The following DBNL variants were observed in gnomAD, a reference collection of about 807,000 sequenced individuals.
The protein encoded by DBNL is drebrin like.
Under a neutral mutation model 62.2 loss-of-function variants are expected in DBNL, and 35 were observed. The ratio of observed to expected loss-of-function variants is 0.56; its 90% CI spans 0.43 to 0.75. The LOEUF (loss-of-function observed/expected upper bound fraction) is 0.75, where lower values mean the gene tolerates loss of function less well. DBNL is among the 30% of genes least tolerant of loss of function. DBNL has a pLI of 0.00. For missense variants in DBNL, 495 were observed against 578.4 expected (o/e 0.86, Z 1.48); for synonymous variants, 197 against 218.0 (o/e 0.90, Z 0.85).
rs373614176 is a variant in DBNL, at chr7:44,050,165, C to T, written c.84-60C>T. The T allele has an allele frequency of 5.9e-5, 93 of 1,568,374 alleles. No individual in the cohort carries two copies. In the African/African-American group the frequency reaches 9.0e-4, roughly 15 times the overall value. On this transcript the variant is annotated intron_variant, in intron 1 of 12. Coordinates refer to ENST00000448521, the MANE Select transcript of DBNL (RefSeq NM_001014436.3). The stretch of plus-strand genomic sequence containing the variant: ...ATGTAGTGGAAAGTCATGGTGGATA[C>T]GGTGAGGAGAGATGGAACCCAAGGT...
rs1015590847 is a variant in DBNL at position 44,067,409 on chromosome 7, C to T, written c.*6493C>T. The T allele has an allele frequency of 3.9e-5, 6 of 152,130 alleles. No individual in the cohort carries two copies. The highest frequency in any genetic ancestry group is 9.7e-5 in the African/African-American group (4 of 41,412). The allele number at this position is 152,130 out of a possible 1,614,324, so 9.4% of individuals were successfully genotyped here. On this transcript the variant is annotated 3_prime_UTR_variant, in exon 13 of 13. Coordinates refer to ENST00000448521, the MANE Select transcript of DBNL (RefSeq NM_001014436.3). ...TCGGCAGCTTTGATGAGAACAAGGC[C>T]GCTTAGCCAGGGCTGGGTGCAGAAG...
intron 4 of DBNL, 158 bp from the exon 5 acceptor site, chr7:44,056,599 C>T (rs974265298): frequency 2.8e-6 from 3 of 1,059,370 alleles, no homozygotes; most frequent in African/African-American, 3.2e-5. Context: ...TTGAGGGGAA[C>T]TCGTGCCTCA....
At chr7:44,056,709 T>C in intron 4 of DBNL, 48 bp from the exon 5 acceptor site, 2 of 1,611,870 alleles carry the variant, frequency 1.2e-6, no homozygotes, top group Non-Finnish European at 1.7e-6. Flanking sequence ...GTTTGGCCCA[T>C]CTCCTGGGCT....
At chr7:44,051,202 C>T (rs1162673103) in intron 2 of DBNL, 4 of 152,732 alleles carry the variant, frequency 2.6e-5, no homozygotes, top group African/African-American at 9.6e-5. Flanking sequence ...AGCTCTTCCT[C>T]CTTATAACCT....
Position 44,051,864 on chromosome 7 carries a change from C to A in DBNL, c.174C>A (p.Asn58Lys), listed in dbSNP as rs763649371. The A allele has an allele frequency of 6.2e-7, 1 of 1,614,144 alleles. No individual in the cohort carries two copies. The highest frequency in any genetic ancestry group is 1.1e-5 in the South Asian group (1 of 91,082). Residue 58 changes from asparagine to lysine, a missense_variant, in exon 3 of 13, where the codon AAC becomes AAA. By Grantham distance (94) the Asn-to-Lys change is moderately conservative (BLOSUM62 0). Transcript: ENST00000448521. ...TGGAGGAGATGGTGGAGGAGCTCAA[C>A]AGCGGGAAGGTGATGTACGCCTTCT... ...GGLEEMVEEL[N>K]SGKVMYAFCR... is the part of the protein sequence containing the mutation.
rs986884554 is a variant in DBNL, at chr7:44,045,412, G to T, written c.83+592G>T. Among the ~76,000 whole-genome samples, 8 of 152,334 alleles carry T rather than the reference G, an allele frequency of 5.3e-5. No homozygotes were observed. The South Asian group carries it at 1.0e-3, about 20-fold the overall frequency. Reference sequence around the variant, plus strand: ...CTCCAAAAAGTGTACTCTTTCTTGTGCCTGAGCCATGGGAAGATGTACGAA... The same window carrying T: ...CTCCAAAAAGTGTACTCTTTCTTGTTCCTGAGCCATGGGAAGATGTACGAA... On this transcript the variant is annotated intron_variant, in intron 1 of 12. Coordinates refer to ENST00000448521, the MANE Select transcript of DBNL (RefSeq NM_001014436.3).
rs760632595 is a variant in DBNL at position 44,059,818 on chromosome 7, A to G, written c.1047+160A>G. ...AAATTGTCAGGGCACGCCCCACTCT[A>G]TAGGAGGTGCTGGGTGGGAAGAGGA... is the stretch of plus-strand genomic sequence containing the variant. On this transcript the variant is annotated intron_variant, in intron 11 of 12. Transcript: ENST00000448521. This position sits in a 1 kb window ranked among gnomAD's most constrained non-coding sequence, Gnocchi z 4.1. Among the ~76,000 whole-genome samples, 2 of 152,248 alleles carry G rather than the reference A, an allele frequency of 1.3e-5. No homozygotes were observed. Among genetic ancestry groups the G allele is most frequent in the Middle Eastern group, 6.8e-3 (2 of 294 alleles).
rs2096154825 is a variant in DBNL, at chr7:44,064,279, C to T, written c.*3363C>T. On this transcript the variant is annotated 3_prime_UTR_variant, in exon 13 of 13. Coordinates refer to ENST00000448521, the MANE Select transcript of DBNL (RefSeq NM_001014436.3). ...CCCAGAGTCTGGCCACTCCATAGTC[C>T]TGCACCCCTCTTTTGATTGGTCTTT... is the stretch of plus-strand genomic sequence containing the variant. 1 of 183,330 alleles carries T rather than the reference C, an allele frequency of 5.5e-6. No individual in the cohort carries two copies. 11.4% of individuals were successfully genotyped at this position (183,330 alleles called of 1,614,324 possible).
In DBNL at chr7:44,068,585, T is replaced by C. The variant is rs1056708970; in HGVS notation, c.*7669T>C. Reference sequence around the variant, plus strand: ...ACCCAGTGTATGAAAACCAGGAAAATCTTAACATGGGAGAAAAGAAGATGA... The same window carrying C: ...ACCCAGTGTATGAAAACCAGGAAAACCTTAACATGGGAGAAAAGAAGATGA... On this transcript the variant is annotated 3_prime_UTR_variant, in exon 13 of 13. Coordinates refer to ENST00000448521, the MANE Select transcript of DBNL (RefSeq NM_001014436.3). The C allele has an allele frequency of 6.6e-6, 1 of 152,132 alleles. No homozygotes were observed. The highest frequency in any genetic ancestry group is 1.9e-4 in the East Asian group (1 of 5,190). 9.4% of individuals were successfully genotyped at this position (152,132 alleles called of 1,614,324 possible). A position where few individuals can be genotyped will look rare whatever the true frequency, so the allele number is the denominator to read the frequency against.
At chr7:44,049,413 C>T (rs959678492) in intron 1 of DBNL, among the ~76,000 whole-genome samples, 1 of 152,226 alleles carries the variant, frequency 6.6e-6, no homozygotes, top group Non-Finnish European at 1.5e-5. Flanking sequence ...CTGCCCGCCT[C>T]GGCCTCCCAG....
At position 44,064,800 on chromosome 7, in the gene DBNL, C is replaced by CA; in HGVS notation, c.*3885dup. 8.1e-7 allele frequency: 1 copy of CA among 1,231,538 alleles called. No homozygotes were observed. Among genetic ancestry groups the CA allele is most frequent in the Non-Finnish European group, 1.2e-6 (1 of 857,346 alleles). 76.3% of individuals were successfully genotyped at this position (1,231,538 alleles called of 1,614,324 possible). Reference sequence around the variant, plus strand: ...AAGCCAGCTGGGGCTGCTGCCCACCCACCCTGCCCAGGCTCCTGAAGGTGG... The same window carrying CA: ...AAGCCAGCTGGGGCTGCTGCCCACCCAACCCTGCCCAGGCTCCTGAAGGTGG... On this transcript the variant is annotated 3_prime_UTR_variant, in exon 13 of 13. Coordinates refer to ENST00000448521, the MANE Select transcript of DBNL (RefSeq NM_001014436.3).
In DBNL at chr7:44,064,806, G is replaced by GCC; in HGVS notation, c.*3892_*3893dup. 1.3e-5 allele frequency: 10 copies of GCC among 787,410 alleles called. No individual in the cohort carries two copies. Among genetic ancestry groups the GCC allele is most frequent in the East Asian group, 4.3e-5 (1 of 23,476 alleles). 48.8% of individuals were successfully genotyped at this position (787,410 alleles called of 1,614,324 possible). On this transcript the variant is annotated 3_prime_UTR_variant, in exon 13 of 13. Coordinates refer to ENST00000448521, the MANE Select transcript of DBNL (RefSeq NM_001014436.3). ...GCTGGGGCTGCTGCCCACCCACCCT[G>GCC]CCCAGGCTCCTGAAGGTGGCCTCAC...
rs1441520469 is a variant in DBNL at position 44,060,576 on chromosome 7, C to G, written c.1154-201C>G. 6.6e-6 allele frequency among the ~76,000 whole-genome samples: 1 copy of G among 152,084 alleles called. No homozygotes were observed. Among genetic ancestry groups the G allele is most frequent in the Middle Eastern group, 3.2e-3 (1 of 316 alleles). Reference sequence around the variant, plus strand: ...GGAATGCTCTGTAGGAGGGTATGCCCTGGGGGTGTGGTCACTGGAGCCGCA... The same window carrying G: ...GGAATGCTCTGTAGGAGGGTATGCCGTGGGGGTGTGGTCACTGGAGCCGCA... On this transcript the variant is annotated intron_variant, in intron 12 of 12. Transcript: ENST00000448521. The surrounding 1 kb of genome is among the most constrained non-coding windows in gnomAD (Gnocchi z 6.3).
At chr7:44,045,667 C>T (rs1001904285) in intron 1 of DBNL, among the ~76,000 whole-genome samples, 8 of 152,358 alleles carry the variant, frequency 5.3e-5, no homozygotes, top group African/African-American at 1.9e-4. Flanking sequence ...CACTGAGGCC[C>T]TCCCAACTGT....
chr7:44,056,776 A>G lies in DBNL; in HGVS notation c.347A>G (p.Asn116Ser). Residue 116 changes from asparagine (N) to serine (S), a missense_variant, in exon 5 of 13, where the codon AAC becomes AGC. Physicochemically the swap from Asn to Ser is conservative, Grantham distance 46. Coordinates refer to ENST00000448521, the MANE Select transcript of DBNL (RefSeq NM_001014436.3). ...CTGCAGGGGGCCCATGTGACCATCA[A>G]CGCACGGGCCGAGGAGGATGTGGAG... ...SFLKGAHVTI[N>S]ARAEEDVEPE... The G allele has an allele frequency of 1.9e-6, 3 of 1,613,956 alleles. No individual in the cohort carries two copies. The highest frequency in any genetic ancestry group is 2.5e-6 in the Non-Finnish European group (3 of 1,180,010).
At position 44,062,842 on chromosome 7, in the gene DBNL, C is replaced by T; in HGVS notation, c.*1926C>T. On this transcript the variant is annotated 3_prime_UTR_variant, in exon 13 of 13. Transcript: ENST00000448521. ...CCTCATCACCCAGGAACTGCATGGGCTTGGTGGGCTTCAGCTCCTTGTTCA... is the reference window on the plus strand; with the variant it reads ...CCTCATCACCCAGGAACTGCATGGGTTTGGTGGGCTTCAGCTCCTTGTTCA... 6.2e-7 allele frequency: 1 copy of T among 1,614,222 alleles called. No individual in the cohort carries two copies. Among genetic ancestry groups the T allele is most frequent in the Non-Finnish European group, 8.5e-7 (1 of 1,180,024 alleles).
Position 44,064,794 on chromosome 7 carries a change from C to CCCCCCCCCCCGCCCCCGCG in DBNL, c.*3880_*3881insCCCCCCCCGCCCCCGCGCC. 3.8e-6 allele frequency: 2 copies of CCCCCCCCCCCGCCCCCGCG among 526,670 alleles called. No homozygotes were observed. The highest frequency in any genetic ancestry group is 7.3e-6 in the Non-Finnish European group (2 of 274,530). The allele number at this position is 526,670 out of a possible 1,614,324, so 32.6% of individuals were successfully genotyped here. A position where few individuals can be genotyped will look rare whatever the true frequency, so the allele number is the denominator to read the frequency against. On this transcript the variant is annotated 3_prime_UTR_variant, in exon 13 of 13. Transcript: ENST00000448521. ...GATGAGAAGCCAGCTGGGGCTGCTG[C>CCCCCCCCCCCGCCCCCGCG]CCACCCACCCTGCCCAGGCTCCTGA... is the stretch of plus-strand genomic sequence containing the variant.
Position 44,065,238 on chromosome 7 carries a change from G to GC in DBNL, c.*4322_*4323insC. ...TTGGCGGCCGTTTCTGCCTTGTTGA[G>GC]GCCTGTGAGGCCCCCGTAATGCCGC... On this transcript the variant is annotated 3_prime_UTR_variant, in exon 13 of 13. Transcript: ENST00000448521. 1.9e-6 allele frequency: 3 copies of GC among 1,613,914 alleles called. No homozygotes were observed. The highest frequency in any genetic ancestry group is 2.5e-6 in the Non-Finnish European group (3 of 1,180,036).
chr7:44,065,574 T>C lies in DBNL; in HGVS notation c.*4658T>C. The C allele has an allele frequency of 6.4e-7, 1 of 1,563,846 alleles. No homozygotes were observed. Among genetic ancestry groups the C allele is most frequent in the South Asian group, 1.1e-5 (1 of 90,114 alleles). ...GAGGACTCTGGACGGGGACGGCTGCTTCCCAACACTCCCAGCTTTATAATA... is the reference window on the plus strand; with the variant it reads ...GAGGACTCTGGACGGGGACGGCTGCCTCCCAACACTCCCAGCTTTATAATA... On this transcript the variant is annotated 3_prime_UTR_variant, in exon 13 of 13. Transcript: ENST00000448521.
Sources: gnomAD v4.1 joint callset for allele counts (sites outside exome capture counted in the v4.1 genomes callset) on GRCh38, gnomAD v4.1.1 for gene constraint, Gnocchi (gnomAD v3.1) non-coding constraint, MANE v1.5 for transcripts, NCBI Gene and HGNC (gene_info 2026-07-23, HGNC 2026-07-21) for gene names.